KIF4A: variants seen among roughly 807,000 people sequenced by gnomAD.
The protein encoded by KIF4A is chromosome-associated kinesin KIF4A.
KIF4A carries 7 observed loss-of-function variants against 105.9 expected under a neutral mutation model. The observed-to-expected ratio is 0.07, with a 90% CI of 0.04 to 0.12. The LOEUF (loss-of-function observed/expected upper bound fraction) is 0.12, where lower values mean the gene tolerates loss of function less well. Among genes scored for constraint, KIF4A ranks in the 10% least tolerant of loss-of-function variants. The pLI is 1.00. For missense variants in KIF4A, 558 were observed against 929.2 expected, an observed-to-expected ratio of 0.60 and a Z score of 5.19; for synonymous variants, 281 against 331.3, an observed-to-expected ratio of 0.85 and a Z score of 1.65.
At chrX:70,394,615 A>G (rs933004758) in intron 20 of KIF4A, among the ~76,000 whole-genome samples, 1 of 111,893 alleles carries the variant, frequency 8.9e-6, no homozygotes, top group Non-Finnish European at 1.9e-5. Context: ...TTTGTTTTCT[A>G]TTGTGTCATC....
intron 10 of KIF4A, among the ~76,000 whole-genome samples, chrX:70,340,156 T>C (rs2085966876): frequency 9.0e-6 from 1 of 111,718 alleles, no homozygotes; most frequent in African/African-American, 3.2e-5. Context: ...GTTATTTAAC[T>C]TCTTTGTGCC....
chrX:70,329,557 C>T, intron 8 of KIF4A, 36 bp downstream of exon 8: 1 of 1,084,015 alleles, frequency 9.2e-7, no homozygotes, highest in East Asian at 3.0e-5. Context: ...AAGAGAGTAA[C>T]TCAAAATGAT....
chrX:70,317,964 G>A (rs987089596), intron 7 of KIF4A, among the ~76,000 whole-genome samples: 32 of 106,969 alleles, frequency 3.0e-4, no homozygotes, highest in African/African-American at 1.0e-3. Context: ...TGCAACCTCT[G>A]CCTCCTGGGT....
intron 9 of KIF4A, among the ~76,000 whole-genome samples, chrX:70,332,525 C>T (rs1210124039): frequency 9.0e-6 from 1 of 110,917 alleles, no homozygotes; most frequent in African/African-American, 3.3e-5. Context: ...GAAATGGAGG[C>T]AATTGGTGTA....
At chrX:70,369,783 AAC>A (rs958534925) in intron 15 of KIF4A, among the ~76,000 whole-genome samples, 1 of 111,262 alleles carries the variant, frequency 9.0e-6, no homozygotes, top group Non-Finnish European at 1.9e-5. Context: ...ATTTGGTATA[AAC>A]ACACACGTGT....
chrX:70,419,631 T>A (rs1602822661), intron 29 of KIF4A, 30 bp from the exon 30 acceptor site: 13 of 1,206,406 alleles, frequency 1.1e-5, no homozygotes, highest in Middle Eastern at 3.2e-4. Flanking sequence ...GCAGCCAAAT[T>A]TATAATATGC....
chrX:70,324,751 G>C (rs766179594), intron 7 of KIF4A, among the ~76,000 whole-genome samples: 1 of 110,614 alleles, frequency 9.0e-6, no homozygotes, highest in Admixed American at 9.6e-5. Context: ...TTACTCCCAA[G>C]TCCACCTTCC....
intron 16 of KIF4A, among the ~76,000 whole-genome samples, chrX:70,374,462 A>G (rs2086167057): frequency 8.9e-6 from 1 of 112,227 alleles, no homozygotes; most frequent in Non-Finnish European, 1.9e-5. Flanking sequence ...AACACAGCAC[A>G]TGATTAGTAG....
intron 18 of KIF4A, among the ~76,000 whole-genome samples, chrX:70,378,450 T>C (rs1382726583): frequency 1.8e-5 from 2 of 111,752 alleles, no homozygotes; most frequent in African/African-American, 6.5e-5. Flanking sequence ...AGAAATAGGC[T>C]GGGCGCGGTG....
chrX:70,299,944 G>A (rs1279672808), intron 5 of KIF4A, among the ~76,000 whole-genome samples: 1 of 112,043 alleles, frequency 8.9e-6, no homozygotes, highest in Non-Finnish European at 1.9e-5. Flanking sequence ...AGTTTCCTAT[G>A]TGGGAGTGAG....
chrX:70,382,524 C>G (rs967264468), intron 18 of KIF4A, among the ~76,000 whole-genome samples: 11 of 112,291 alleles, frequency 9.8e-5, no homozygotes, highest in Non-Finnish European at 1.9e-4. Flanking sequence ...TAGAAGAAAA[C>G]ATAGGTGTTA....
rs201004519 is a variant in KIF4A at position 70,404,695 on chromosome X, T to C, written c.2791-20T>C. The C allele has an allele frequency of 8.9e-5, 103 of 1,152,741 alleles. No homozygotes were observed. The African/African-American group carries it at 1.5e-3, about 17-fold the overall frequency. 95.0% of individuals were successfully genotyped at this position (1,152,741 alleles called of 1,213,427 possible). ...CCTTGGTACCTTTGTTACCACCCAT[T>C]GGATCGTGTCTTTCTCTAGGTGCTG... On this transcript the variant is annotated intron_variant, in intron 24 of 30. Transcript: ENST00000374403.
At chrX:70,333,000 A>G (rs975237658) in intron 9 of KIF4A, among the ~76,000 whole-genome samples, 1 of 111,475 alleles carries the variant, frequency 9.0e-6, no homozygotes, top group African/African-American at 3.3e-5. Context: ...TTATTTTTAT[A>G]TGTCCGTACG....
intron 15 of KIF4A, among the ~76,000 whole-genome samples, chrX:70,355,896 T>C (rs2086049166): frequency 8.9e-6 from 1 of 112,245 alleles, no homozygotes; most frequent in Non-Finnish European, 1.9e-5. Context: ...TTTCTGCTAA[T>C]TAATTTTCAC....
intron 3 of KIF4A, among the ~76,000 whole-genome samples, chrX:70,293,541 A>G (rs1190124989): frequency 8.9e-6 from 1 of 112,091 alleles, no homozygotes; most frequent in Non-Finnish European, 1.9e-5. Flanking sequence ...TGAGAAGTGC[A>G]TTATTAGGCG....
chrX:70,331,963 A>G (rs1056985984), intron 9 of KIF4A, among the ~76,000 whole-genome samples: 2 of 112,001 alleles, frequency 1.8e-5, no homozygotes, highest in Admixed American at 1.9e-4. Context: ...GAAGTAACCA[A>G]TGAATTAGAT....
At chrX:70,350,933 C>T (rs1234467796) in intron 13 of KIF4A, among the ~76,000 whole-genome samples, 1 of 111,592 alleles carries the variant, frequency 9.0e-6, no homozygotes, top group Non-Finnish European at 1.9e-5. Flanking sequence ...CCATATCTTA[C>T]AATACCAAAT....
chrX:70,395,830 A>G lies in KIF4A; in HGVS notation c.2388+4A>G, dbSNP rs771984266. On this transcript the variant is annotated splice_donor_region_variant and intron_variant, in intron 21 of 30. Coordinates refer to ENST00000374403, the MANE Select transcript of KIF4A (RefSeq NM_012310.5). ...GAATCCACCTCCTAAACTCCGGGTA[A>G]GTACGCTTATGAAAAAATGTTGCCA... The G allele has an allele frequency of 2.5e-6, 3 of 1,210,656 alleles. No homozygotes were observed. The highest frequency in any genetic ancestry group is 2.2e-5 in the Admixed American group (1 of 45,892).
intron 10 of KIF4A, among the ~76,000 whole-genome samples, chrX:70,334,597 G>A (rs1462060908): frequency 1.8e-5 from 2 of 112,406 alleles, no homozygotes; most frequent in Non-Finnish European, 3.8e-5. Context: ...ATAGATTACA[G>A]CATTTATGTA....
Sources: allele counts gnomAD v4.1 joint callset (sites outside exome capture counted in the v4.1 genomes callset), GRCh38; gene constraint gnomAD v4.1.1; transcripts MANE v1.5; gene names NCBI Gene and HGNC (gene_info 2026-07-23, HGNC 2026-07-21).